The following CPEB3 variants were observed in gnomAD, a reference collection of about 807,000 sequenced individuals.
CPEB3 encodes cytoplasmic polyadenylation element-binding protein 3.
Under a neutral mutation model 67.2 loss-of-function variants are expected in CPEB3, and 20 were observed. The ratio of observed to expected loss-of-function variants is 0.30; its 90% confidence interval spans 0.21 to 0.43. The LOEUF (loss-of-function observed/expected upper bound fraction) is 0.43. Ranked by LOEUF, CPEB3 falls within the 20% of genes least tolerant of loss-of-function variation. CPEB3 has a pLI of 1.00. For synonymous variants in CPEB3, 376 were observed against 393.1 expected (o/e 0.96, Z 0.51); for missense variants, 746 against 968.6 (o/e 0.77, Z 3.05).
chr10:92,217,535 G>T lies in CPEB3; in HGVS notation c.1005+21811C>A, dbSNP rs542866914. ...CCAACACTTTGGGAGGCCAAGGTGG[G>T]TGGATCACCTGAGGTCAGGAGTTCG... On this transcript the variant is annotated intron_variant, in intron 2 of 9. Coordinates refer to ENST00000265997, the MANE Select transcript of CPEB3 (RefSeq NM_014912.5). Among the ~76,000 whole-genome samples the T allele has an allele frequency of 2.0e-5, 3 of 152,290 alleles. No homozygotes were observed. The South Asian group carries it at 6.2e-4, about 32-fold the overall frequency.
In CPEB3 at chr10:92,239,459, T is replaced by C. The variant is rs148265391; in HGVS notation, c.892A>G (p.Ser298Gly). Residue 298 changes from serine (S) to glycine (G), a missense_variant, in exon 2 of 10, where the codon AGC (serine) becomes GGC (glycine). Ser to Gly is a moderately conservative substitution (Grantham distance 56, BLOSUM62 0). Coordinates refer to ENST00000265997, the MANE Select transcript of CPEB3 (RefSeq NM_014912.5). This position sits in a 1 kb window ranked among gnomAD's most constrained non-coding sequence, Gnocchi z 6.0. ...AACTTGGGCGGCGCGATCACGTTGC[T>C]GGAGAAGGGCTTTTTGAGCGGCGAG... ...PISPLKKPFS[S>G]NVIAPPKFPR... The C allele has an allele frequency of 2.5e-6, 4 of 1,597,466 alleles. No homozygotes were observed. Among genetic ancestry groups the C allele is most frequent in the Non-Finnish European group, 3.4e-6 (4 of 1,171,800 alleles).
At chr10:92,289,932 G>C (rs1369066890) in intron 1 of CPEB3, among the ~76,000 whole-genome samples, 5 of 124,772 alleles carry the variant, frequency 4.0e-5, no homozygotes, top group Non-Finnish European at 6.5e-5. Context: ...GTGTGGTGGG[G>C]GGGGGTGGGT....
At chr10:92,202,589 C>A (rs1849569828) in intron 2 of CPEB3, among the ~76,000 whole-genome samples, 2 of 150,570 alleles carry the variant, frequency 1.3e-5, no homozygotes, top group African/African-American at 4.9e-5. Context: ...ATGGATGAAC[C>A]TTAAAACACT....
At chr10:92,106,574 G>T (rs140012151) in intron 7 of CPEB3, among the ~76,000 whole-genome samples, 6 of 152,160 alleles carry the variant, frequency 3.9e-5, no homozygotes, top group African/African-American at 7.2e-5. Context: ...TAGCACTTTG[G>T]GAGTCCAAGG....
intron 4 of CPEB3, among the ~76,000 whole-genome samples, chr10:92,179,698 G>C (rs1848380439): frequency 6.6e-6 from 1 of 152,200 alleles, no homozygotes; most frequent in South Asian, 2.1e-4. Flanking sequence ...CCTGCCAAAA[G>C]GCAGGGATAC....
chr10:92,286,056 C>T (rs1444613759), intron 1 of CPEB3, among the ~76,000 whole-genome samples: 1 of 151,808 alleles, frequency 6.6e-6, no homozygotes, highest in Non-Finnish European at 1.5e-5. Flanking sequence ...CAGCCTTGGC[C>T]TCCCGAGTAG....
intron 4 of CPEB3, among the ~76,000 whole-genome samples, chr10:92,177,100 T>C (rs951262736): frequency 6.6e-6 from 1 of 152,228 alleles, no homozygotes; most frequent in Non-Finnish European, 1.5e-5. Context: ...AAACACAAGC[T>C]ACTATTAGTA....
intron 9 of CPEB3, among the ~76,000 whole-genome samples, chr10:92,059,162 A>T (rs1842232024): frequency 6.6e-6 from 1 of 152,032 alleles, no homozygotes; most frequent in African/African-American, 2.4e-5. Flanking sequence ...CCCCGTCTCT[A>T]CTAAAAATAC....
At chr10:92,192,370 A>T in intron 3 of CPEB3, 107 bp downstream of exon 3, 1 of 1,155,102 alleles carries the variant, frequency 8.7e-7, no homozygotes, top group Non-Finnish European at 1.2e-6. Context: ...TACAGAAGCA[A>T]AACAAAAACA....
At chr10:92,256,400 T>C (rs949267391) in intron 1 of CPEB3, among the ~76,000 whole-genome samples, 4 of 151,958 alleles carry the variant, frequency 2.6e-5, no homozygotes, top group Admixed American at 6.6e-5. Flanking sequence ...TTTCTTTTTT[T>C]TTTTTTTTGA....
intron 4 of CPEB3, among the ~76,000 whole-genome samples, chr10:92,145,635 C>CAAAAAAAA (rs35889055): frequency 1.3e-5 from 1 of 74,722 alleles, no homozygotes; most frequent in African/African-American, 3.8e-5. Flanking sequence ...AACTCAGTCT[C>CAAAAAAAA]AAAAAAAAAA....
chr10:92,064,419 G>T (rs1842472757), intron 9 of CPEB3, among the ~76,000 whole-genome samples: 1 of 152,146 alleles, frequency 6.6e-6, no homozygotes, highest in Non-Finnish European at 1.5e-5. Flanking sequence ...CAAAGGAGAG[G>T]CTCTCATAAT....
chr10:92,068,103 C>T (rs1387994195), intron 9 of CPEB3, among the ~76,000 whole-genome samples: 1 of 152,148 alleles, frequency 6.6e-6, no homozygotes, highest in Non-Finnish European at 1.5e-5. Flanking sequence ...ACTTATTTTC[C>T]CATAGCAGGG....
chr10:92,216,657 C>T, intron 2 of CPEB3: 3 of 1,606,866 alleles, frequency 1.9e-6, no homozygotes, highest in Admixed American at 3.3e-5. Context: ...GTCTATATCC[C>T]CTCTAAGACG....
intron 3 of CPEB3, among the ~76,000 whole-genome samples, chr10:92,190,049 C>T (rs766585802): frequency 1.3e-5 from 2 of 151,922 alleles, no homozygotes; most frequent in Non-Finnish European, 2.9e-5. Flanking sequence ...GAGGCCAAGG[C>T]GGGCAATCAC....
intron 2 of CPEB3, among the ~76,000 whole-genome samples, chr10:92,198,887 T>C (rs1015866985): frequency 5.9e-5 from 9 of 152,086 alleles, no homozygotes; most frequent in Non-Finnish European, 1.3e-4. Flanking sequence ...CCATGAACAA[T>C]GGAGGCTTAG....
chr10:92,246,398 C>T (rs1277745596), intron 1 of CPEB3, among the ~76,000 whole-genome samples: 1 of 151,852 alleles, frequency 6.6e-6, no homozygotes, highest in Non-Finnish European at 1.5e-5. Flanking sequence ...TCATAACGTC[C>T]TTATAGCTTT....
chr10:92,289,309 G>A (rs1020701374), intron 1 of CPEB3, among the ~76,000 whole-genome samples: 11 of 151,942 alleles, frequency 7.2e-5, no homozygotes, highest in African/African-American at 2.7e-4. Flanking sequence ...AGGCCGAGAC[G>A]GGCTGATCGC....
intron 9 of CPEB3, among the ~76,000 whole-genome samples, chr10:92,080,656 C>G (rs916810119): frequency 3.9e-5 from 6 of 151,926 alleles, no homozygotes; most frequent in African/African-American, 1.5e-4. Context: ...TGCAGTAGCA[C>G]GATCTCGGCT....
Sources: gnomAD v4.1 joint callset for allele counts (sites outside exome capture counted in the v4.1 genomes callset) on GRCh38, gnomAD v4.1.1 for gene constraint, Gnocchi (gnomAD v3.1) non-coding constraint, MANE v1.5 for transcripts, NCBI Gene and HGNC (gene_info 2026-07-23, HGNC 2026-07-21) for gene names.